RFX4: variants seen among roughly 807,000 people sequenced by gnomAD.
RFX4 encodes regulatory factor X4, also known as transcription factor RFX4.
Under a neutral mutation model 95.0 loss-of-function variants are expected in RFX4, and 10 were observed. That is an observed-to-expected ratio of 0.11 (90% CI 0.06 to 0.18). The LOEUF (loss-of-function observed/expected upper bound fraction) is 0.18, where lower values mean the gene tolerates loss of function less well. RFX4 is among the 10% of genes least tolerant of loss of function. RFX4 has a pLI of 1.00. For missense variants in RFX4, 640 were observed against 922.0 expected, an observed-to-expected ratio of 0.69 and a Z score of 3.96; for synonymous variants, 321 against 340.7, an observed-to-expected ratio of 0.94 and a Z score of 0.64.
chr12:106,723,809 G>C (rs920711092), intron 13 of RFX4, among the ~76,000 whole-genome samples: 1 of 152,172 alleles, frequency 6.6e-6, no homozygotes, highest in Non-Finnish European at 1.5e-5. Flanking sequence ...CAAGCACTAA[G>C]AGACAGGAAT....
chr12:106,691,733 T>G (rs1225262363), intron 7 of RFX4, among the ~76,000 whole-genome samples: 66 of 152,364 alleles, frequency 4.3e-4, no homozygotes, highest in Non-Finnish European at 7.3e-5. Flanking sequence ...CTCATCTGTC[T>G]TGTTCACTAC....
intron 3 of RFX4, among the ~76,000 whole-genome samples, chr12:106,642,823 T>C (rs1485718472): frequency 1.3e-5 from 2 of 152,120 alleles, no homozygotes; most frequent in Non-Finnish European, 2.9e-5. Context: ...GACAGGGGAA[T>C]GTTGCAGGTG....
At chr12:106,707,935 C>T (rs990372938) in intron 8 of RFX4, among the ~76,000 whole-genome samples, 22 of 152,188 alleles carry the variant, frequency 1.4e-4, no homozygotes, top group Admixed American at 5.2e-4. Context: ...GAGTTCGAGA[C>T]CAGCCTGGCC....
chr12:106,657,589 C>T (rs1430765690), intron 4 of RFX4, among the ~76,000 whole-genome samples: 1 of 152,148 alleles, frequency 6.6e-6, no homozygotes, highest in Non-Finnish European at 1.5e-5. Flanking sequence ...TGGTCTTGTG[C>T]CTGCTTTCGC....
At chr12:106,590,124 A>G (rs2137165070) in intron 1 of RFX4, among the ~76,000 whole-genome samples, 1 of 152,260 alleles carries the variant, frequency 6.6e-6, no homozygotes, top group East Asian at 1.9e-4. Context: ...AGTAATAAAG[A>G]CAGAGCATGG....
intron 4 of RFX4, among the ~76,000 whole-genome samples, chr12:106,665,959 T>C (rs556510474): frequency 6.6e-6 from 1 of 152,140 alleles, no homozygotes; most frequent in Non-Finnish European, 1.5e-5. Context: ...ACTTCACTTA[T>C]TCCTTCTTCA....
At chr12:106,619,748 T>C (rs984636213) in intron 2 of RFX4, among the ~76,000 whole-genome samples, 1 of 152,242 alleles carries the variant, frequency 6.6e-6, no homozygotes, top group Non-Finnish European at 1.5e-5. Context: ...TTCATTTTTT[T>C]ATGTTTTGCT....
At chr12:106,616,680 T>C (rs1362540543) in intron 2 of RFX4, among the ~76,000 whole-genome samples, 4 of 152,206 alleles carry the variant, frequency 2.6e-5, no homozygotes, top group Non-Finnish European at 4.4e-5. Context: ...TTACTTTTAG[T>C]AAATTGTTAC....
intron 2 of RFX4, among the ~76,000 whole-genome samples, chr12:106,638,967 A>T (rs1705444840): frequency 6.6e-6 from 1 of 152,224 alleles, no homozygotes; most frequent in Non-Finnish European, 1.5e-5. Context: ...TTCAGTCCAT[A>T]GCAGTGACTG....
intron 4 of RFX4, among the ~76,000 whole-genome samples, chr12:106,677,317 G>A (rs969924569): frequency 6.6e-6 from 1 of 152,096 alleles, no homozygotes; most frequent in African/African-American, 2.4e-5. Flanking sequence ...AGTGGAAACA[G>A]TGTGGCCTTG....
chr12:106,696,272 G>C lies in RFX4; in HGVS notation c.670-11G>C. On this transcript the variant is annotated splice_polypyrimidine_tract_variant and intron_variant, in intron 7 of 17. Coordinates refer to ENST00000392842, the MANE Select transcript of RFX4 (RefSeq NM_213594.3). The stretch of plus-strand genomic sequence containing the variant: ...TAACCTCATGATTCTTCTCTCTGTG[G>C]GTCAATACAGGTTCAAAGTTTCCTT... 6.2e-7 allele frequency: 1 copy of C among 1,614,090 alleles called. No individual in the cohort carries two copies. Among genetic ancestry groups the C allele is most frequent in the African/African-American group, 1.3e-5 (1 of 75,042 alleles).
intron 6 of RFX4, 65 bp downstream of exon 6, chr12:106,687,162 T>C (rs2041672436): frequency 2.0e-6 from 2 of 1,016,366 alleles, no homozygotes; most frequent in Non-Finnish European, 1.5e-6. Flanking sequence ...TCTCTCTCTG[T>C]CTCTATCTCT....
intron 17 of RFX4, among the ~76,000 whole-genome samples, chr12:106,759,190 T>G (rs2043166467): frequency 6.6e-6 from 1 of 152,112 alleles, no homozygotes; most frequent in African/African-American, 2.4e-5. Flanking sequence ...GGAGGTGACA[T>G]TTAAGCTGAG....
chr12:106,590,078 A>C (rs143734671), intron 1 of RFX4, among the ~76,000 whole-genome samples: 1 of 152,376 alleles, frequency 6.6e-6, no homozygotes, highest in African/African-American at 2.4e-5. Context: ...AATTTCAGTA[A>C]GTGATTAGCA....
At chr12:106,678,953 G>A (rs2041449544) in intron 4 of RFX4, among the ~76,000 whole-genome samples, 1 of 152,064 alleles carries the variant, frequency 6.6e-6, no homozygotes, top group Non-Finnish European at 1.5e-5. Context: ...CTTACATTTA[G>A]CTTTTCCTTA....
At chr12:106,740,721 G>C (rs2042790520) in intron 15 of RFX4, among the ~76,000 whole-genome samples, 1 of 152,252 alleles carries the variant, frequency 6.6e-6, no homozygotes, top group Non-Finnish European at 1.5e-5. Context: ...GCCAGGTAAA[G>C]GTGTAATTTC....
chr12:106,601,306 G>A (rs772103002), intron 1 of RFX4: 9 of 1,595,600 alleles, frequency 5.6e-6, no homozygotes, highest in Middle Eastern at 2.0e-4. Flanking sequence ...ACCCTGGTGC[G>A]GGAGGCGACA....
intron 3 of RFX4, among the ~76,000 whole-genome samples, chr12:106,643,396 G>A (rs577191747): frequency 2.0e-5 from 3 of 152,138 alleles, no homozygotes; most frequent in Non-Finnish European, 2.9e-5. Context: ...GGCAGGCAGG[G>A]GAGAGGCTAC....
intron 2 of RFX4, among the ~76,000 whole-genome samples, chr12:106,612,242 A>G (rs1426660637): frequency 5.3e-5 from 8 of 152,240 alleles, no homozygotes; most frequent in African/African-American, 1.7e-4. Flanking sequence ...CCATGAACAC[A>G]GGATGTCTTT....
Sources: gnomAD v4.1 joint callset for allele counts (sites outside exome capture counted in the v4.1 genomes callset) on GRCh38, gnomAD v4.1.1 for gene constraint, MANE v1.5 for transcripts, NCBI Gene and HGNC (gene_info 2026-07-23, HGNC 2026-07-21) for gene names.